Variants in PDE11A observed in about 807,000 individuals in gnomAD.
PDE11A encodes the protein phosphodiesterase 11A.
A neutral mutation model predicts 100.5 loss-of-function variants in PDE11A; 100 were observed. That is an observed-to-expected ratio of 1.00 (90% confidence interval 0.85 to 1.18). The LOEUF is 1.18. Ranked by LOEUF, PDE11A falls within the 50% of genes most tolerant of loss-of-function variation. The probability of loss-of-function intolerance (pLI) is 0.00; values close to 1 mark genes in which losing one functional copy is unlikely to be tolerated. For missense variants in PDE11A, 1,141 were observed against 1,152.6 expected (o/e 0.99, Z 0.15); for synonymous variants, 381 against 420.8 (o/e 0.91, Z 1.16).
intron 2 of PDE11A, among the ~76,000 whole-genome samples, chr2:177,963,770 G>A (rs928080412): frequency 6.6e-6 from 1 of 152,184 alleles, no homozygotes; most frequent in Non-Finnish European, 1.5e-5. Context: ...TAAAACTTGA[G>A]GATGGGGCAC....
chr2:177,647,664 T>C (rs1018759359), intron 19 of PDE11A, among the ~76,000 whole-genome samples: 4 of 152,174 alleles, frequency 2.6e-5, no homozygotes. Flanking sequence ...ATCAAGTCCA[T>C]GAATCCCAAT....
At chr2:177,799,167 A>G (rs2082748658) in intron 9 of PDE11A, among the ~76,000 whole-genome samples, 1 of 152,186 alleles carries the variant, frequency 6.6e-6, no homozygotes, top group South Asian at 2.1e-4. Context: ...TGTCAAGGTC[A>G]ACAAAATTGA....
chr2:177,719,689 G>C (rs978384083), intron 12 of PDE11A, among the ~76,000 whole-genome samples: 1 of 152,052 alleles, frequency 6.6e-6, no homozygotes, highest in South Asian at 2.1e-4. Context: ...GAACAGAAAG[G>C]CAGTATTTAC....
intron 1 of PDE11A, among the ~76,000 whole-genome samples, chr2:178,014,772 G>A (rs1358852323): frequency 1.3e-5 from 2 of 151,972 alleles, no homozygotes; most frequent in African/African-American, 4.8e-5. Context: ...ATTTCAAAAA[G>A]ACAGGATATG....
chr2:177,796,214 T>A (rs1237279010), intron 9 of PDE11A, among the ~76,000 whole-genome samples: 1 of 151,732 alleles, frequency 6.6e-6, no homozygotes, highest in African/African-American at 2.4e-5. Flanking sequence ...CTTGTGAGAG[T>A]TGGCCTGGGC....
At chr2:177,795,130 A>T (rs968607511) in intron 9 of PDE11A, among the ~76,000 whole-genome samples, 1 of 152,150 alleles carries the variant, frequency 6.6e-6, no homozygotes, top group Non-Finnish European at 1.5e-5. Context: ...TTCTTATTTC[A>T]TTCTACGGGA....
chr2:177,781,988 T>C (rs180713381), intron 9 of PDE11A, among the ~76,000 whole-genome samples: 1 of 152,336 alleles, frequency 6.6e-6, no homozygotes. Context: ...TTACCCAGAT[T>C]AAAATGTTAA....
chr2:177,996,406 A>T (rs2086075425), intron 2 of PDE11A, among the ~76,000 whole-genome samples: 1 of 151,440 alleles, frequency 6.6e-6, no homozygotes, highest in African/African-American at 2.4e-5. Context: ...CAGACTACCC[A>T]TTCCTGGAAT....
chr2:178,054,092 G>A (rs528766646), intron 1 of PDE11A, among the ~76,000 whole-genome samples: 2 of 150,514 alleles, frequency 1.3e-5, no homozygotes, highest in Non-Finnish European at 3.0e-5. Context: ...GAGGCGTCGC[G>A]CTACTGTACT....
At chr2:177,968,899 C>T (rs1161261358) in intron 2 of PDE11A, among the ~76,000 whole-genome samples, 1 of 152,212 alleles carries the variant, frequency 6.6e-6, no homozygotes, top group Non-Finnish European at 1.5e-5. Flanking sequence ...ACCATTTGAT[C>T]TGGCAATCCC....
rs1402413819 is a variant in PDE11A at position 178,014,391 on chromosome 2, T to C, written c.982A>G (p.Ile328Val). ...ATAATCTCACCATCACTGCTTCGGA[T>C]AGGCATGCACAATAATGATTTTGTC... is the stretch of plus-strand genomic sequence containing the variant. ...YKTKSLLCMP[I>V]RSSDGEIIGV... is the part of the protein sequence containing the mutation. The change falls in exon 2 of 20, where the codon ATC becomes GTC. Residue 328 changes from isoleucine (I) to valine (V), a missense_variant. Transcript: ENST00000286063. The C allele has an allele frequency of 2.5e-6, 4 of 1,611,852 alleles. No individual in the cohort carries two copies. Among genetic ancestry groups the C allele is most frequent in the Non-Finnish European group, 3.4e-6 (4 of 1,177,970 alleles).
chr2:177,779,100 G>A (rs1326235508), intron 9 of PDE11A, among the ~76,000 whole-genome samples: 4 of 152,220 alleles, frequency 2.6e-5, no homozygotes, highest in East Asian at 1.9e-4. Flanking sequence ...AGTTACATAC[G>A]TTTTTTGGTT....
intron 9 of PDE11A, among the ~76,000 whole-genome samples, chr2:177,816,616 T>C (rs1328773946): frequency 6.6e-6 from 1 of 152,218 alleles, no homozygotes; most frequent in African/African-American, 2.4e-5. Flanking sequence ...ATAGGACTTA[T>C]ATGAATGGGC....
chr2:177,763,836 T>C (rs1427578411), intron 10 of PDE11A, among the ~76,000 whole-genome samples: 1 of 152,134 alleles, frequency 6.6e-6, no homozygotes, highest in Admixed American at 6.5e-5. Flanking sequence ...AGTGCCTTTG[T>C]GGCAATTGGA....
At chr2:177,714,978 C>G (rs2081414889) in intron 12 of PDE11A, among the ~76,000 whole-genome samples, 1 of 152,182 alleles carries the variant, frequency 6.6e-6, no homozygotes, top group African/African-American at 2.4e-5. Context: ...GTTCCTCCTT[C>G]CCCTCCTGTG....
chr2:177,889,027 A>G (rs908760281), intron 4 of PDE11A, among the ~76,000 whole-genome samples: 1 of 151,990 alleles, frequency 6.6e-6, no homozygotes, highest in East Asian at 1.9e-4. Context: ...CAACTTCCCC[A>G]CTCATCACCT....
intron 2 of PDE11A, among the ~76,000 whole-genome samples, chr2:178,086,836 T>A (rs2087363195): frequency 6.6e-6 from 1 of 152,154 alleles, no homozygotes; most frequent in African/African-American, 2.4e-5. Flanking sequence ...CTAGTCCCAG[T>A]TTTGAGGACT....
At chr2:178,062,336 G>GAAAAAAAAAAAAAAAAAAAAA (rs11333080) in intron 1 of PDE11A, among the ~76,000 whole-genome samples, 1 of 101,680 alleles carries the variant, frequency 9.8e-6, no homozygotes. Context: ...CCTGAAGACA[G>GAAAAAAAAAAAAAAAAAAAAA]AAAAAAAAAA....
In PDE11A at chr2:177,861,560, T is replaced by C. The variant is rs561219704; in HGVS notation, c.1367+14299A>G. Among the ~76,000 whole-genome samples, 6 of 151,936 alleles carry C rather than the reference T, an allele frequency of 3.9e-5. No individual in the cohort carries two copies. In the South Asian group the frequency reaches 1.2e-3, roughly 32 times the overall value. On this transcript the variant is annotated intron_variant, in intron 5 of 19. Coordinates refer to ENST00000286063, the MANE Select transcript of PDE11A (RefSeq NM_016953.4). ...AACTCAGCTACTAATTTTGGAGAGA[T>C]TGACAAGTTGATTCTAAAATTAATA...
Sources: allele counts gnomAD v4.1 joint callset (sites outside exome capture counted in the v4.1 genomes callset), GRCh38; gene constraint gnomAD v4.1.1; transcripts MANE v1.5; gene names NCBI Gene and HGNC (gene_info 2026-07-23, HGNC 2026-07-21).